MAN2B2: variants seen among roughly 807,000 people sequenced by gnomAD.
MAN2B2 encodes the protein epididymis-specific alpha-mannosidase.
In MAN2B2, 106 loss-of-function variants were observed where a neutral mutation model predicts 117.1. The observed-to-expected ratio is 0.90, with a 90% CI of 0.77 to 1.06. The LOEUF (loss-of-function observed/expected upper bound fraction) is 1.06, where lower values mean the gene tolerates loss of function less well. Ranked by LOEUF, MAN2B2 falls within the 50% of genes least tolerant of loss-of-function variation. MAN2B2 has a pLI of 0.00. For missense variants in MAN2B2, 1,326 were observed against 1,381.4 expected, an observed-to-expected ratio of 0.96 and a Z score of 0.64; for synonymous variants, 544 against 595.1, an observed-to-expected ratio of 0.91 and a Z score of 1.25.
intron 10 of MAN2B2, among the ~76,000 whole-genome samples, chr4:6,601,214 T>G (rs6446513): frequency 0.92 from 139,405 of 152,274 alleles, 64,177 homozygotes; most frequent in East Asian, 1. Context: ...GTTAGAAAAG[T>G]TACAACTGGC....
At position 6,594,682 on chromosome 4, in the gene MAN2B2, A is replaced by T; in HGVS notation, c.1007A>T (p.Asn336Ile). 6.2e-7 allele frequency: 1 copy of T among 1,612,956 alleles called. No homozygotes were observed. Among genetic ancestry groups the T allele is most frequent in the Non-Finnish European group, 8.5e-7 (1 of 1,179,962 alleles). Residue 336 changes from asparagine to isoleucine, a missense_variant, in exon 7 of 19, where the codon AAT (asparagine) becomes ATT (isoleucine). Coordinates refer to ENST00000285599, the MANE Select transcript of MAN2B2 (RefSeq NM_015274.3). The stretch of plus-strand genomic sequence containing the variant: ...TACTTCCGTGCCCTGCACGCTCTCA[A>T]TGTCACCTGGCGTGTCCGCGACCAC... ...GDYFRALHAL[N>I]VTWRVRDHHD...
chr4:6,589,602 C>T (rs1186905390), intron 5 of MAN2B2, among the ~76,000 whole-genome samples: 4 of 152,138 alleles, frequency 2.6e-5, no homozygotes, highest in Non-Finnish European at 5.9e-5. Context: ...TCAGCCTCCC[C>T]AGCAGAGTGG....
At chr4:6,591,632 A>C (rs1726862926) in intron 5 of MAN2B2, among the ~76,000 whole-genome samples, 1 of 152,188 alleles carries the variant, frequency 6.6e-6, no homozygotes. Flanking sequence ...GGGGGCTATC[A>C]GGTGACAGCA....
At chr4:6,579,126 CCACCACCACCACCATCACCACCACCAT>C in intron 3 of MAN2B2, among the ~76,000 whole-genome samples, 1 of 56,836 alleles carries the variant, frequency 1.8e-5, no homozygotes, top group Non-Finnish European at 3.7e-5. Context: ...ATCACCACTA[CCACCACCACCACCATCACCACCACCAT>C]CACCATCACC....
intron 18 of MAN2B2, 137 bp from the exon 19 acceptor site, chr4:6,621,051 G>A: frequency 1.6e-6 from 1 of 626,154 alleles, no homozygotes; most frequent in Non-Finnish European, 2.8e-6. Flanking sequence ...GGGAGCCACA[G>A]CAGATTGTAG....
In MAN2B2 at chr4:6,621,342, C is replaced by T; in HGVS notation, c.*57C>T. On this transcript the variant is annotated 3_prime_UTR_variant, in exon 19 of 19. Coordinates refer to ENST00000285599, the MANE Select transcript of MAN2B2 (RefSeq NM_015274.3). ...CCCCCAGGAACTCCATGTAACAGAA[C>T]AGACCCAGGACAGGGAAAAGCAGTG... 5 of 1,455,388 alleles carry T rather than the reference C, an allele frequency of 3.4e-6. No homozygotes were observed. Among genetic ancestry groups the T allele is most frequent in the Middle Eastern group, 1.7e-4 (1 of 5,762 alleles). The allele number at this position is 1,455,388 out of a possible 1,614,324, so 90.2% of individuals were successfully genotyped here.
Position 6,576,265 on chromosome 4 carries a change from C to T in MAN2B2, c.139-313C>T, listed in dbSNP as rs116263139. On this transcript the variant is annotated intron_variant, in intron 1 of 18. Transcript: ENST00000285599. ...ATGGCACACTCAGGGCCCAGCCCCC[C>T]AAATTGCACACTCAAGGCCCAGCTT... is the stretch of plus-strand genomic sequence containing the variant. Among the ~76,000 whole-genome samples, 1,212 of 152,300 alleles carry T rather than the reference C, an allele frequency of 8.0e-3. 12 individuals are homozygous for T. The highest frequency in any genetic ancestry group is 0.028 in the African/African-American group (1,150 of 41,572).
rs776707023 is a variant in MAN2B2 at position 6,620,007 on chromosome 4, C to T, written c.2895C>T (p.His965=). ...GGACCTGGGATTTGAGCATGCTGCA[C>T]CGCTGGAGCTGGAGGACGGGGCCTG... ...LTGTWDLSML[H]RWSWRTGPGR... The change falls in exon 18 of 19, where the codon CAC becomes CAT. Residue 965 remains histidine (H), a synonymous_variant. Transcript: ENST00000285599. The T allele has an allele frequency of 6.2e-7, 1 of 1,613,746 alleles. No individual in the cohort carries two copies. Among genetic ancestry groups the T allele is most frequent in the South Asian group, 1.1e-5 (1 of 91,050 alleles).
intron 7 of MAN2B2, among the ~76,000 whole-genome samples, chr4:6,595,444 G>C (rs1190481293): frequency 3.3e-5 from 5 of 152,336 alleles, no homozygotes; most frequent in African/African-American, 1.2e-4. Context: ...TCATTGATTA[G>C]GAAACGAAGT....
At chr4:6,582,318 AGTT>A (rs1288783879) in intron 3 of MAN2B2, among the ~76,000 whole-genome samples, 1 of 151,856 alleles carries the variant, frequency 6.6e-6, no homozygotes. Flanking sequence ...AGCAGTATTT[AGTT>A]GTTGTTGTTG....
chr4:6,616,219 T>C (rs76554888), intron 16 of MAN2B2, among the ~76,000 whole-genome samples: 5,006 of 152,286 alleles, frequency 0.033, 125 homozygotes, highest in African/African-American at 0.067. Context: ...AGGAAGCACC[T>C]GTGTTAACCA....
rs202088768 is a variant in MAN2B2, at chr4:6,621,199, T to C, written c.2944T>C (p.Ser982Pro). The change falls in exon 19 of 19, where the codon TCT (serine) becomes CCT (proline). Residue 982 changes from serine to proline, a missense_variant. By Grantham distance (74) the Ser-to-Pro change is moderately conservative. Transcript: ENST00000285599. ...GPGRHRGDTT[S>P]PSRPPGGPII... ...CTCTGTTCCCCTAGGTGACACCACC[T>C]CTCCCTCGAGGCCACCAGGAGGCCC... 2 of 1,613,652 alleles carry C rather than the reference T, an allele frequency of 1.2e-6. No homozygotes were observed. The highest frequency in any genetic ancestry group is 1.7e-6 in the Non-Finnish European group (2 of 1,179,766).
intron 3 of MAN2B2, among the ~76,000 whole-genome samples, chr4:6,579,402 C>T: frequency 1.7e-5 from 2 of 119,054 alleles, no homozygotes; most frequent in Non-Finnish European, 3.7e-5. Flanking sequence ...CCATCACCAC[C>T]ACCACCATCA....
intron 6 of MAN2B2, among the ~76,000 whole-genome samples, chr4:6,593,875 G>T (rs1484807726): frequency 1.3e-5 from 2 of 152,158 alleles, no homozygotes; most frequent in East Asian, 1.9e-4. Flanking sequence ...CCATTTCACA[G>T]TTGAGGAAAC....
chr4:6,585,840 C>A (rs780840000), intron 3 of MAN2B2, among the ~76,000 whole-genome samples: 5 of 152,136 alleles, frequency 3.3e-5, no homozygotes, highest in Non-Finnish European at 7.4e-5. Context: ...GGTCATGGCA[C>A]AGCAGCTGGC....
Position 6,600,622 on chromosome 4 carries a change from G to T in MAN2B2, c.1406-1G>T, listed in dbSNP as rs533338840. On this transcript the variant is annotated splice_acceptor_variant, in intron 9 of 18. Transcript: ENST00000285599. LOFTEE classifies it high-confidence loss of function. ...AAGCAAAGCCTCTTCTCTGTGTGCA[G>T]ATGCAGGACCTGCAGGACATTTTGC... The T allele has an allele frequency of 6.2e-7, 1 of 1,613,752 alleles. No individual in the cohort carries two copies. The highest frequency in any genetic ancestry group is 8.5e-7 in the Non-Finnish European group (1 of 1,179,980).
Position 6,600,699 on chromosome 4 carries a change from T to A in MAN2B2, c.1482T>A (p.Thr494=). Residue 494 remains threonine (T), a synonymous_variant, in exon 10 of 19, where the codon ACT becomes ACA. Coordinates refer to ENST00000285599, the MANE Select transcript of MAN2B2 (RefSeq NM_015274.3). ...AWTVTTIVTL[T]VGFPGVRVTD... ...CGGTCACCACCATCGTCACCCTGAC[T>A]GTTGGTTTCCCTGGAGTCCGCGTCA... is the stretch of plus-strand genomic sequence containing the variant. 1 of 1,614,036 alleles carries A rather than the reference T, an allele frequency of 6.2e-7. No individual in the cohort carries two copies. The highest frequency in any genetic ancestry group is 8.5e-7 in the Non-Finnish European group (1 of 1,180,038).
Position 6,580,879 on chromosome 4 carries a change from G to A in MAN2B2, c.391+2381G>A, listed in dbSNP as rs73796284. On this transcript the variant is annotated intron_variant, in intron 3 of 18. Transcript: ENST00000285599. ...CTGATACCCCAGCGCTGACCCTGCA[G>A]GTCTGACCTGGCAACTGGAAGCCTC... 3.9e-3 allele frequency among the ~76,000 whole-genome samples: 596 copies of A among 152,280 alleles called. 4 individuals are homozygous for A. The highest frequency in any genetic ancestry group is 0.014 in the African/African-American group (564 of 41,560).
Position 6,611,066 on chromosome 4 carries a change from C to G in MAN2B2, c.2371-20C>G, listed in dbSNP as rs370014242. On this transcript the variant is annotated intron_variant, in intron 14 of 18. Coordinates refer to ENST00000285599, the MANE Select transcript of MAN2B2 (RefSeq NM_015274.3). ...ATGCCCAGGTGCAAGCCGGGCCTCT[C>G]GGACAATGCCTTCCCGCAGGTCATG... is the stretch of plus-strand genomic sequence containing the variant. 1.9e-6 allele frequency: 3 copies of G among 1,611,842 alleles called. No individual in the cohort carries two copies. Among genetic ancestry groups the G allele is most frequent in the Non-Finnish European group, 2.5e-6 (3 of 1,178,242 alleles).
Sources: gnomAD v4.1 joint callset for allele counts (sites outside exome capture counted in the v4.1 genomes callset) on GRCh38, gnomAD v4.1.1 for gene constraint, MANE v1.5 for transcripts, NCBI Gene and HGNC (gene_info 2026-07-23, HGNC 2026-07-21) for gene names.